The following FNBP4 variants were observed in gnomAD, a reference collection of about 807,000 sequenced individuals.
FNBP4 encodes formin binding protein 4.
FNBP4 carries 34 observed loss-of-function variants against 119.3 expected under a neutral mutation model. The observed-to-expected ratio is 0.28, with a 90% CI of 0.22 to 0.38. The LOEUF (loss-of-function observed/expected upper bound fraction) is 0.38. Among genes scored for constraint, FNBP4 ranks in the 10% least tolerant of loss-of-function variants. The pLI, the probability that FNBP4 is intolerant of heterozygous loss-of-function variation, is 1.00. For missense variants in FNBP4, 1,112 were observed against 1,228.9 expected (o/e 0.90, Z 1.42); for synonymous variants, 462 against 430.6 (o/e 1.07, Z -0.90).
Position 47,736,543 on chromosome 11 carries a change from G to A in FNBP4, c.1581+73C>T, listed in dbSNP as rs577338453. On this transcript the variant is annotated intron_variant, in intron 9 of 16. Coordinates refer to ENST00000263773, the MANE Select transcript of FNBP4 (RefSeq NM_015308.5). ...CCACTGCACTCCAGCCTGGGTGACA[G>A]AGCAAGACTCCGTCTCAAAATAATG... The A allele has an allele frequency of 3.1e-6, 4 of 1,279,494 alleles. No individual in the cohort carries two copies. The East Asian group carries it at 1.1e-4, about 34-fold the overall frequency. 79.3% of individuals were successfully genotyped at this position (1,279,494 alleles called of 1,614,324 possible).
intron 2 of FNBP4, among the ~76,000 whole-genome samples, chr11:47,764,622 A>C (rs943420790): frequency 7.2e-5 from 11 of 152,054 alleles, no homozygotes; most frequent in African/African-American, 2.7e-4. Context: ...AACTGAAAAG[A>C]AATTACTACC....
Position 47,744,146 on chromosome 11 carries a change from C to G in FNBP4, c.1263G>C (p.Leu421Phe). 1 of 1,614,060 alleles carries G rather than the reference C, an allele frequency of 6.2e-7. No individual in the cohort carries two copies. Among genetic ancestry groups the G allele is most frequent in the East Asian group, 2.2e-5 (1 of 44,890 alleles). The change falls in exon 8 of 17, where the codon TTG becomes TTC. Residue 421 changes from leucine to phenylalanine, a missense_variant. Leu to Phe is a conservative substitution (Grantham distance 22). Around this residue, in one of 2 missense-constraint regions of FNBP4, gnomAD observed 826 missense variants for 988.8 expected, o/e 0.84. Transcript: ENST00000263773. The stretch of plus-strand genomic sequence containing the variant: ...CTGACACACTACCATCTCCTTCCTC[C>G]AAGGCTCGCAACTCTGCCTACAAAG... ...LERKKAELRA[L>F]EEGDGSVSGS...
intron 6 of FNBP4, among the ~76,000 whole-genome samples, chr11:47,749,226 G>A (rs1433538106): frequency 1.3e-5 from 2 of 152,084 alleles, no homozygotes; most frequent in African/African-American, 2.4e-5. Context: ...AGCCATGGTC[G>A]TGCCACTGTA....
chr11:47,731,347 G>A, intron 12 of FNBP4, 27 bp downstream of exon 12: 1 of 1,559,674 alleles, frequency 6.4e-7, no homozygotes, highest in Non-Finnish European at 8.6e-7. Context: ...CATTTTGGCT[G>A]AATTAGTACA....
At chr11:47,744,278 C>A in intron 7 of FNBP4, 115 bp from the exon 8 acceptor site, 2 of 783,500 alleles carry the variant, frequency 2.6e-6, no homozygotes, top group Non-Finnish European at 1.9e-6. Flanking sequence ...ACAGAAAGCA[C>A]TTTTTTTTTT....
chr11:47,754,098 G>A (rs939343576), intron 3 of FNBP4, among the ~76,000 whole-genome samples: 16 of 151,864 alleles, frequency 1.1e-4, no homozygotes, highest in East Asian at 1.9e-4. Flanking sequence ...CCAGCTACTC[G>A]GGTGCACATA....
intron 16 of FNBP4, among the ~76,000 whole-genome samples, chr11:47,718,905 G>GTT (rs35422529): frequency 0.014 from 1,880 of 130,316 alleles, 57 homozygotes; most frequent in African/African-American, 0.043. Flanking sequence ...CACCCAACAT[G>GTT]TTTTTTTTTT....
At chr11:47,762,777 G>T (rs1349871149) in intron 2 of FNBP4, among the ~76,000 whole-genome samples, 1 of 151,842 alleles carries the variant, frequency 6.6e-6, no homozygotes, top group Non-Finnish European at 1.5e-5. Flanking sequence ...GGGCATGGTG[G>T]CGTGGGCCCG....
chr11:47,762,800 C>A (rs2135286839), intron 2 of FNBP4, among the ~76,000 whole-genome samples: 1 of 148,328 alleles, frequency 6.7e-6, no homozygotes, highest in East Asian at 2.1e-4. Context: ...ATCCCAGCTA[C>A]TTGGAAGGCT....
rs1227223153 is a variant in FNBP4, at chr11:47,724,715, G to A, written c.2072C>T (p.Pro691Leu). Residue 691 changes from proline to leucine, a missense_variant, in exon 13 of 17, where the codon CCA becomes CTA. Physicochemically the swap from Pro to Leu is moderately conservative, Grantham distance 98. Transcript: ENST00000263773. ...ATTTGACTGAAGGAGGGTCCAGAAT[G>A]GAGTAAGTGGCATGAGTGATGAAGA... ...VSSSSLMPLT[P>L]FWTLLQSNVP... 6.2e-7 allele frequency: 1 copy of A among 1,608,260 alleles called. No homozygotes were observed. The highest frequency in any genetic ancestry group is 2.2e-5 in the East Asian group (1 of 44,744).
At chr11:47,751,422 T>C (rs1315214340) in intron 4 of FNBP4, 132 bp from the exon 5 acceptor site, 2 of 981,692 alleles carry the variant, frequency 2.0e-6, no homozygotes, top group Admixed American at 2.1e-5. Context: ...GTCTTTGTTG[T>C]GGAGGGGCAA....
At chr11:47,733,626 G>A (rs2097570166) in intron 10 of FNBP4, among the ~76,000 whole-genome samples, 5 of 152,126 alleles carry the variant, frequency 3.3e-5, no homozygotes, top group Admixed American at 3.3e-4. Context: ...GAGCCACCGT[G>A]CCTGGCCAAG....
At chr11:47,747,349 C>T (rs369452384) in intron 6 of FNBP4, among the ~76,000 whole-genome samples, 5 of 152,240 alleles carry the variant, frequency 3.3e-5, no homozygotes, top group Admixed American at 1.3e-4. Flanking sequence ...GGATTATAGG[C>T]GAGAGCCACC....
chr11:47,731,911 C>T, intron 11 of FNBP4: 1 of 1,013,010 alleles, frequency 9.9e-7, no homozygotes, highest in African/African-American at 1.7e-5. Context: ...ATTTCCCTTC[C>T]AAAGAAGAGA....
chr11:47,766,175 A>G (rs2097647448), intron 1 of FNBP4, among the ~76,000 whole-genome samples: 1 of 152,030 alleles, frequency 6.6e-6, no homozygotes, highest in African/African-American at 2.4e-5. Flanking sequence ...TTAGCCGGGC[A>G]TGGTGGCAGG....
intron 8 of FNBP4, among the ~76,000 whole-genome samples, chr11:47,742,985 TGTTTC>T (rs1202437246): frequency 6.6e-6 from 1 of 152,160 alleles, no homozygotes; most frequent in East Asian, 1.9e-4. Flanking sequence ...TTTGGTTCTT[TGTTTC>T]TTTTTTTTCT....
intron 1 of FNBP4, among the ~76,000 whole-genome samples, chr11:47,765,851 C>CTT (rs1167976570): frequency 3.7e-5 from 3 of 82,170 alleles, no homozygotes; most frequent in Admixed American, 3.8e-4. Flanking sequence ...GAGCTGGAAT[C>CTT]TTTTTTTTTT....
intron 12 of FNBP4, among the ~76,000 whole-genome samples, chr11:47,730,572 C>T (rs558363666): frequency 6.6e-4 from 100 of 152,084 alleles, no homozygotes; most frequent in Middle Eastern, 3.2e-3. Flanking sequence ...CTGTTATTGA[C>T]AAATTTCACT....
At chr11:47,746,486 T>C in intron 6 of FNBP4, 92 bp from the exon 7 acceptor site, 1 of 1,148,092 alleles carries the variant, frequency 8.7e-7, no homozygotes, top group Non-Finnish European at 1.2e-6. Flanking sequence ...ATATTAACTG[T>C]TTTCAGTAGC....
Sources: allele counts gnomAD v4.1 joint callset (sites outside exome capture counted in the v4.1 genomes callset), GRCh38; gene constraint gnomAD v4.1.1; regional missense constraint gnomAD v4.1.1; transcripts MANE v1.5; gene names NCBI Gene and HGNC (gene_info 2026-07-23, HGNC 2026-07-21).